The following CPAMD8 variants were observed in gnomAD, a reference collection of about 807,000 sequenced individuals.
The protein encoded by CPAMD8 is C3 and PZP like alpha-2-macroglobulin domain containing 8.
A neutral mutation model predicts 224.7 loss-of-function variants in CPAMD8; 146 were observed. That is an observed-to-expected ratio of 0.65 (90% CI 0.57 to 0.75). The LOEUF (loss-of-function observed/expected upper bound fraction) is 0.75, where lower values mean the gene tolerates loss of function less well. Among genes scored for constraint, CPAMD8 ranks in the 30% least tolerant of loss-of-function variants. The pLI is 0.00. For synonymous variants in CPAMD8, 966 were observed against 1,044.6 expected (o/e 0.92, Z 1.45); for missense variants, 2,301 against 2,537.5 (o/e 0.91, Z 2.00).
At chr19:16,996,169 A>C (rs1170561442) in intron 11 of CPAMD8, among the ~76,000 whole-genome samples, 1 of 151,812 alleles carries the variant, frequency 6.6e-6, no homozygotes, top group East Asian at 1.9e-4. Context: ...TAAATAAATA[A>C]AAATTTAAAA....
In CPAMD8 at chr19:16,898,137, T is replaced by C. The variant is rs2052104664; in HGVS notation, c.4849-143A>G. ...GTGATCCCATTTTCTTTTTTTCTTT[T>C]ACTTTTCTTTTTTTTTTTTTTTCCT... On this transcript the variant is annotated intron_variant, in intron 37 of 41. Transcript: ENST00000443236. The surrounding 1 kb of genome is among the most constrained non-coding windows in gnomAD (Gnocchi z 4.2). The C allele has an allele frequency of 1.7e-6, 1 of 605,402 alleles. No homozygotes were observed. Among genetic ancestry groups the C allele is most frequent in the Non-Finnish European group, 2.8e-6 (1 of 353,140 alleles). 37.5% of individuals were successfully genotyped at this position (605,402 alleles called of 1,614,324 possible).
At chr19:16,913,551 C>T (rs2052808236) in intron 29 of CPAMD8, among the ~76,000 whole-genome samples, 1 of 152,066 alleles carries the variant, frequency 6.6e-6, no homozygotes, top group African/African-American at 2.4e-5. Flanking sequence ...GACTTCCCAT[C>T]CTCTAGAACT....
chr19:16,937,650 C>CTTTT (rs550702792), intron 23 of CPAMD8, among the ~76,000 whole-genome samples: 3 of 116,808 alleles, frequency 2.6e-5, no homozygotes, highest in Admixed American at 9.0e-5. Flanking sequence ...TAACTTCATA[C>CTTTT]TTTTTTTTTT....
intron 12 of CPAMD8, among the ~76,000 whole-genome samples, chr19:16,991,787 C>T (rs562128997): frequency 4.0e-5 from 6 of 151,268 alleles, no homozygotes; most frequent in African/African-American, 1.2e-4. Flanking sequence ...CCTGGGAGGC[C>T]GAGGTTGCAG....
At chr19:16,982,681 TA>T (rs1205453917) in intron 13 of CPAMD8, among the ~76,000 whole-genome samples, 2 of 150,976 alleles carry the variant, frequency 1.3e-5, no homozygotes, top group Non-Finnish European at 3.0e-5. Context: ...CAAAAAATAA[TA>T]AAAAAAATAG....
At chr19:17,026,500 A>ACCC in intron 1 of CPAMD8, 51 bp downstream of exon 1, 1 of 1,442,140 alleles carries the variant, frequency 6.9e-7, no homozygotes, top group Non-Finnish European at 9.1e-7. Flanking sequence ...AGTACCCGCG[A>ACCC]CCCCCACCCC....
At chr19:16,993,031 C>T (rs995468350) in intron 12 of CPAMD8, among the ~76,000 whole-genome samples, 2 of 152,140 alleles carry the variant, frequency 1.3e-5, no homozygotes, top group Non-Finnish European at 2.9e-5. Flanking sequence ...TCCCCAATCT[C>T]TTTCCAAAAT....
At chr19:16,981,858 G>A (rs1028149046) in intron 13 of CPAMD8, among the ~76,000 whole-genome samples, 14 of 152,202 alleles carry the variant, frequency 9.2e-5, no homozygotes, top group Non-Finnish European at 1.9e-4. Context: ...TTCCCCACCT[G>A]TAAAATAAGG....
chr19:16,906,347 TTTCTTTCTTTCTTTCTTTC>T (rs2052482312), intron 30 of CPAMD8, among the ~76,000 whole-genome samples: 1 of 30,416 alleles, frequency 3.3e-5, no homozygotes, highest in African/African-American at 1.2e-4. Context: ...CCTTTCTTTC[TTTCTTTCTTTCTTTCTTTC>T]TTTCTTTCTT....
intron 29 of CPAMD8, chr19:16,907,602 G>A (rs546575141): frequency 3.3e-5 from 3 of 90,254 alleles, no homozygotes; most frequent in South Asian, 5.4e-4. Flanking sequence ...GTGAGGCTCC[G>A]TCTCAAAAAA....
Position 17,008,512 on chromosome 19 carries a change from G to A in CPAMD8, c.552C>T (p.Phe184=), listed in dbSNP as rs759062891. ...GCAGAGGAAGAAACTTACCGCAGCA[G>A]AACGGCTTTAAGTGTCTCCACTCTA... ...RMIEWRHLKP[F]CCGITNMSFP... is the part of the protein sequence containing the mutation. The change falls in exon 7 of 42, where the codon TTC becomes TTT. Residue 184 remains phenylalanine, a synonymous_variant. Transcript: ENST00000443236. 3.7e-6 allele frequency: 6 copies of A among 1,613,004 alleles called. No homozygotes were observed. Among genetic ancestry groups the A allele is most frequent in the Non-Finnish European group, 5.1e-6 (6 of 1,180,032 alleles).
chr19:16,987,776 G>A (rs1216256568), intron 13 of CPAMD8, among the ~76,000 whole-genome samples: 6 of 151,756 alleles, frequency 4.0e-5, no homozygotes, highest in Non-Finnish European at 8.8e-5. Context: ...TCAGCCTCTT[G>A]AGTAATTGGG....
At chr19:16,961,635 C>T (rs1301671344) in intron 18 of CPAMD8, among the ~76,000 whole-genome samples, 1 of 152,254 alleles carries the variant, frequency 6.6e-6, no homozygotes, top group Non-Finnish European at 1.5e-5. Context: ...CTTAAACGTC[C>T]CTGTCTGACA....
At chr19:16,937,211 T>G (rs1013820401) in intron 23 of CPAMD8, among the ~76,000 whole-genome samples, 15 of 151,540 alleles carry the variant, frequency 9.9e-5, no homozygotes, top group Admixed American at 9.2e-4. Flanking sequence ...AAAGGCTCAC[T>G]ACAACCTCCA....
chr19:16,928,496 C>T (rs1252741841), intron 24 of CPAMD8, among the ~76,000 whole-genome samples: 2 of 152,180 alleles, frequency 1.3e-5, no homozygotes, highest in Non-Finnish European at 2.9e-5. Flanking sequence ...CATGCTATTG[C>T]TCTGCCTAGA....
Position 16,930,450 on chromosome 19 carries a change from T to C in CPAMD8, c.2846-1210A>G, listed in dbSNP as rs186926291. ...CTCCTTGACGAACAAAAATAACAAG[T>C]AGATCATCACACTTTGACTAGTTCA... On this transcript the variant is annotated intron_variant, in intron 23 of 41. Transcript: ENST00000443236. Among the ~76,000 whole-genome samples the C allele has an allele frequency of 2.6e-5, 4 of 152,150 alleles. No homozygotes were observed. In the East Asian group the frequency reaches 7.7e-4, roughly 29 times the overall value.
chr19:16,929,477 G>A (rs1193153485), intron 23 of CPAMD8, among the ~76,000 whole-genome samples: 11 of 152,212 alleles, frequency 7.2e-5, no homozygotes, highest in Admixed American at 7.2e-4. Context: ...GGCTGAGGCA[G>A]GAAGACTACT....
chr19:17,013,176 C>T (rs961935862), intron 3 of CPAMD8, among the ~76,000 whole-genome samples: 1 of 150,598 alleles, frequency 6.6e-6, no homozygotes, highest in Non-Finnish European at 1.5e-5. Context: ...AGTGAAACTC[C>T]ATCTCCAAAA....
At chr19:16,945,184 C>T (rs150767038) in intron 22 of CPAMD8, among the ~76,000 whole-genome samples, 63 of 152,306 alleles carry the variant, frequency 4.1e-4, no homozygotes, top group African/African-American at 7.9e-4. Context: ...CCTACACAGG[C>T]CATCCAATGA....
Sources: gnomAD v4.1 joint callset for allele counts (sites outside exome capture counted in the v4.1 genomes callset) on GRCh38, gnomAD v4.1.1 for gene constraint, Gnocchi (gnomAD v3.1) non-coding constraint, MANE v1.5 for transcripts, NCBI Gene and HGNC (gene_info 2026-07-23, HGNC 2026-07-21) for gene names.